TIA1: variants seen among roughly 807,000 people sequenced by gnomAD.
TIA1 encodes cytotoxic granule associated RNA binding protein TIA1.
TIA1 carries 23 observed loss-of-function variants against 65.9 expected under a neutral mutation model. The observed-to-expected ratio is 0.35, with a 90% CI of 0.25 to 0.49. The LOEUF is 0.49. Among genes scored for constraint, TIA1 ranks in the 20% least tolerant of loss-of-function variants. The probability of loss-of-function intolerance (pLI) is 0.98; values close to 1 mark genes in which losing one functional copy is unlikely to be tolerated. For synonymous variants in TIA1, 147 were observed against 149.4 expected (o/e 0.98, Z 0.12); for missense variants, 371 against 477.9 (o/e 0.78, Z 2.09).
At position 70,220,937 on chromosome 2, in the gene TIA1, G is replaced by A. The variant is rs866125809; in HGVS notation, c.474+3617C>T. ...CCCCACCACTTTGGGAGGCCAAGGC[G>A]GGCGGACTGGTGGAAGCCAGGAGTT... On this transcript the variant is annotated intron_variant, in intron 7 of 12. Coordinates refer to ENST00000433529, the MANE Select transcript of TIA1 (RefSeq NM_022173.4). 2.2e-4 allele frequency among the ~76,000 whole-genome samples: 34 copies of A among 151,790 alleles called. No individual in the cohort carries two copies. The Middle Eastern group carries it at 0.021, about 92-fold the overall frequency.
At chr2:70,225,805 C>T (rs563434147) in intron 6 of TIA1, among the ~76,000 whole-genome samples, 1 of 152,240 alleles carries the variant, frequency 6.6e-6, no homozygotes, top group South Asian at 2.1e-4. Context: ...CTCTTCTACG[C>T]TGTAATTTGT....
At chr2:70,215,583 A>AG (rs1187546310) in intron 10 of TIA1, 89 bp from the exon 11 acceptor site, 2 of 1,237,940 alleles carry the variant, frequency 1.6e-6, no homozygotes, top group Admixed American at 5.4e-5. Context: ...GGTGAGTCTG[A>AG]GGTAAAACAG....
chr2:70,248,614 A>G lies in TIA1; in HGVS notation c.-184T>C. On this transcript the variant is annotated 5_prime_UTR_variant, in exon 1 of 13. Coordinates refer to ENST00000433529, the MANE Select transcript of TIA1 (RefSeq NM_022173.4). ...GCCCAGCGGGAACAATGAAACCCCA[A>G]TACAAGATGGCGGCGAGCCGGGAGC... is the stretch of plus-strand genomic sequence containing the variant. 1.3e-6 allele frequency: 1 copy of G among 795,668 alleles called. No individual in the cohort carries two copies. The allele number at this position is 795,668 out of a possible 1,614,324, so 49.3% of individuals were successfully genotyped here.
chr2:70,239,462 TTAGAGG>T (rs1371732707), intron 1 of TIA1, among the ~76,000 whole-genome samples: 1 of 152,160 alleles, frequency 6.6e-6, no homozygotes, highest in East Asian at 1.9e-4. Flanking sequence ...TTTTACAGAG[TTAGAGG>T]TTTATCAGTT....
upstream of TIA1, chr2:70,248,700 A>G (rs1205310743): frequency 7.7e-6 from 4 of 518,408 alleles, no homozygotes; most frequent in Non-Finnish European, 1.4e-5. Flanking sequence ...TGCACTCTCA[A>G]CCTCCGGGCC....
intron 1 of TIA1, among the ~76,000 whole-genome samples, chr2:70,248,058 G>A (rs1573928670): frequency 6.6e-6 from 1 of 152,174 alleles, no homozygotes; most frequent in East Asian, 1.9e-4. Context: ...GCGGGAAAAG[G>A]AAAGAAAGCA....
rs536506071 is a variant in TIA1 at position 70,235,275 on chromosome 2, T to C, written c.123+804A>G. 5.9e-5 allele frequency among the ~76,000 whole-genome samples: 9 copies of C among 151,918 alleles called. No homozygotes were observed. The South Asian group carries it at 1.3e-3, about 21-fold the overall frequency. ...TACTAAGAATACAAAATTAGCCAGG[T>C]GTAGTGGCGCATGCCTGTAATCCCA... On this transcript the variant is annotated intron_variant, in intron 2 of 12. Transcript: ENST00000433529.
intron 12 of TIA1, among the ~76,000 whole-genome samples, chr2:70,213,392 G>A (rs1318698133): frequency 2.0e-5 from 3 of 149,976 alleles, no homozygotes; most frequent in Non-Finnish European, 4.4e-5. Context: ...CACCCAGGCT[G>A]GAGTACAGTG....
intron 7 of TIA1, among the ~76,000 whole-genome samples, chr2:70,219,417 A>G (rs1680188797): frequency 1.3e-5 from 2 of 152,230 alleles, no homozygotes. Flanking sequence ...TGCACACATC[A>G]AAGGTAAGCT....
At chr2:70,232,018 C>T (rs1015350652) in intron 2 of TIA1, among the ~76,000 whole-genome samples, 12 of 151,510 alleles carry the variant, frequency 7.9e-5, no homozygotes, top group South Asian at 2.1e-4. Flanking sequence ...CTGGCTAGCA[C>T]GGTGAAACCC....
At position 70,216,033 on chromosome 2, in the gene TIA1, T is replaced by C. The variant is rs7590630; in HGVS notation, c.764+175A>G. ...TCCCAAAGTGCTGGGAATACAGGCG[T>C]GAGCCACCGCACCCGGCCAAAATTT... On this transcript the variant is annotated intron_variant, in intron 10 of 12. Transcript: ENST00000433529. The C allele has an allele frequency of 0.013, 7,852 of 607,716 alleles. 503 individuals are homozygous for C. In the African/African-American group the frequency reaches 0.14, roughly 11 times the overall value. 37.6% of individuals were successfully genotyped at this position (607,716 alleles called of 1,614,324 possible).
At chr2:70,238,272 T>TG (rs939069931) in intron 1 of TIA1, among the ~76,000 whole-genome samples, 3 of 130,030 alleles carry the variant, frequency 2.3e-5, no homozygotes, top group Admixed American at 7.4e-5. Context: ...TTTTTTTTTT[T>TG]TTTTTTTTTT....
At chr2:70,229,015 C>G in intron 5 of TIA1, 44 bp downstream of exon 5, 1 of 1,461,494 alleles carries the variant, frequency 6.8e-7, no homozygotes, top group Non-Finnish European at 9.2e-7. Flanking sequence ...TTAGTGAATA[C>G]CCTTTCAAGA....
At chr2:70,240,222 T>C (rs1232217951) in intron 1 of TIA1, among the ~76,000 whole-genome samples, 1 of 152,204 alleles carries the variant, frequency 6.6e-6, no homozygotes, top group Non-Finnish European at 1.5e-5. Flanking sequence ...AATGAGATAC[T>C]GCATATATAT....
Position 70,209,987 on chromosome 2 carries a change from T to C in TIA1, c.*2732A>G, listed in dbSNP as rs555145653. The stretch of plus-strand genomic sequence containing the variant: ...TAAAGACTAGAATGTGAATCTCATT[T>C]TCAACAAGTATCAGCAAGGAAAATG... On this transcript the variant is annotated 3_prime_UTR_variant, in exon 13 of 13. Coordinates refer to ENST00000433529, the MANE Select transcript of TIA1 (RefSeq NM_022173.4). The C allele has an allele frequency of 4.5e-4, 155 of 343,648 alleles. No individual in the cohort carries two copies. Among genetic ancestry groups the C allele is most frequent in the Non-Finnish European group, 7.4e-4 (141 of 191,754 alleles). The allele number at this position is 343,648 out of a possible 1,614,324, so 21.3% of individuals were successfully genotyped here. A position where few individuals can be genotyped will look rare whatever the true frequency, so the allele number is the denominator to read the frequency against.
At chr2:70,238,939 C>T (rs78714050) in intron 1 of TIA1, among the ~76,000 whole-genome samples, 1,761 of 152,094 alleles carry the variant, frequency 0.012, 39 homozygotes, top group African/African-American at 0.04. Context: ...GCACTATGTC[C>T]CATGGCATGG....
chr2:70,244,767 A>G (rs2706770), intron 1 of TIA1, among the ~76,000 whole-genome samples: 81,869 of 146,932 alleles, frequency 0.56, 26,057 homozygotes, highest in African/African-American at 0.87. Context: ...CCTGGAAGGC[A>G]GAGCTTGCAG....
At position 70,216,483 on chromosome 2, in the gene TIA1, T is replaced by C. The variant is rs766031141; in HGVS notation, c.600A>G (p.Leu200=). The C allele has an allele frequency of 6.2e-7, 1 of 1,613,796 alleles. No individual in the cohort carries two copies. The highest frequency in any genetic ancestry group is 1.1e-5 in the South Asian group (1 of 90,980). Residue 200 remains leucine, a synonymous_variant, in exon 9 of 13, where the codon CTA becomes CTG. Coordinates refer to ENST00000433529, the MANE Select transcript of TIA1 (RefSeq NM_022173.4). ...ACTGATTTACAACCTCATCATATGA[T>C]AGCTGTTTGGTATTTGCTGGTGAGA... ...KSTYESNTKQ[L]SYDEVVNQSS... is the part of the protein sequence containing the mutation.
At position 70,233,896 on chromosome 2, in the gene TIA1, C is replaced by A. The variant is rs78452273; in HGVS notation, c.123+2183G>T. Among the ~76,000 whole-genome samples the A allele has an allele frequency of 3.7e-3, 558 of 152,062 alleles. 3 individuals carry two copies. Among genetic ancestry groups the A allele is most frequent in the African/African-American group, 0.013 (536 of 41,440 alleles). On this transcript the variant is annotated intron_variant, in intron 2 of 12. Coordinates refer to ENST00000433529, the MANE Select transcript of TIA1 (RefSeq NM_022173.4). ...CGAAGCATATATACATATTATCAGT[C>A]CAGGGAGCATAAAATTTATAAATGT...
Sources: gnomAD v4.1 joint callset for allele counts (sites outside exome capture counted in the v4.1 genomes callset) on GRCh38, gnomAD v4.1.1 for gene constraint, MANE v1.5 for transcripts, NCBI Gene and HGNC (gene_info 2026-07-23, HGNC 2026-07-21) for gene names.